The following CSF3R variants were observed in gnomAD, a reference collection of about 807,000 sequenced individuals.
CSF3R encodes granulocyte colony-stimulating factor receptor.
Under a neutral mutation model 84.4 loss-of-function variants are expected in CSF3R, and 52 were observed. That is an observed-to-expected ratio of 0.62 (90% CI 0.49 to 0.78). The LOEUF (loss-of-function observed/expected upper bound fraction) is 0.78, where lower values mean the gene tolerates loss of function less well. CSF3R is among the 30% of genes least tolerant of loss of function. The pLI is 0.00. For synonymous variants in CSF3R, 384 were observed against 429.1 expected (o/e 0.89, Z 1.30); for missense variants, 890 against 1,055.7 (o/e 0.84, Z 2.17).
chr1:36,468,565 G>A (rs971089098), intron 12 of CSF3R: 12 of 230,934 alleles, frequency 5.2e-5, no homozygotes, highest in Non-Finnish European at 8.6e-5. Context: ...ACAGGGTCTC[G>A]CTCTGTCACC....
At chr1:36,468,345 C>A in intron 12 of CSF3R, 124 bp from the exon 13 acceptor site, 1 of 994,608 alleles carries the variant, frequency 1.0e-6, no homozygotes, top group Admixed American at 3.0e-5. Flanking sequence ...GACTCATGCC[C>A]AAGCCTCATT....
Position 36,466,093 on chromosome 1 carries a change from A to T in CSF3R, c.*264T>A. 3 of 1,614,202 alleles carry T rather than the reference A, an allele frequency of 1.9e-6. No individual in the cohort carries two copies. Among genetic ancestry groups the T allele is most frequent in the Non-Finnish European group, 2.5e-6 (3 of 1,180,030 alleles). On this transcript the variant is annotated 3_prime_UTR_variant, in exon 17 of 17. Transcript: ENST00000373106. This position sits in a 1 kb window ranked among gnomAD's most constrained non-coding sequence, Gnocchi z 4.6. ...CAACAAAAACTGCAAACCAAAAACT[A>T]GTTTACAATACTGAAGTTATAGGAA...
chr1:36,473,341 G>A (rs976330582), intron 6 of CSF3R, 94 bp downstream of exon 6: 7 of 1,419,216 alleles, frequency 4.9e-6, no homozygotes, highest in African/African-American at 2.8e-5. Context: ...GTCTTCCAGT[G>A]TCTTCTTGTC....
Position 36,467,973 on chromosome 1 carries a change from T to A in CSF3R, c.1724-11A>T. 2 of 1,613,456 alleles carry A rather than the reference T, an allele frequency of 1.2e-6. No homozygotes were observed. Among genetic ancestry groups the A allele is most frequent in the Non-Finnish European group, 1.7e-6 (2 of 1,179,880 alleles). Reference sequence around the variant, plus strand: ...CATTCAGGATGGCGGCTGGGAGGGGTGTACGGTCAGCATAGGCCTGGATGG... The same window carrying A: ...CATTCAGGATGGCGGCTGGGAGGGGAGTACGGTCAGCATAGGCCTGGATGG... On this transcript the variant is annotated splice_polypyrimidine_tract_variant and intron_variant, in intron 13 of 16. Coordinates refer to ENST00000373106, the MANE Select transcript of CSF3R (RefSeq NM_000760.4). The surrounding 1 kb of genome is among the most constrained non-coding windows in gnomAD (Gnocchi z 4.1).
chr1:36,481,327 C>T (rs1168880076), intron 2 of CSF3R, among the ~76,000 whole-genome samples, 151 bp downstream of exon 2: 1 of 152,170 alleles, frequency 6.6e-6, no homozygotes, highest in African/African-American at 2.4e-5. Context: ...TCTGGTCCTC[C>T]ACTGCAGCCC....
Position 36,467,020 on chromosome 1 carries a change from G to A in CSF3R, c.2041-193C>T. The A allele has an allele frequency of 7.0e-7, 1 of 1,422,004 alleles. No homozygotes were observed. The highest frequency in any genetic ancestry group is 9.7e-7 in the Non-Finnish European group (1 of 1,030,986). 88.1% of individuals were successfully genotyped at this position (1,422,004 alleles called of 1,614,324 possible). A position where few individuals can be genotyped will look rare whatever the true frequency, so the allele number is the denominator to read the frequency against. ...ACATGCCATGCACCGTTCAGACTCA[G>A]CATGGTCAGTTTTTCCATATCACAG... is the stretch of plus-strand genomic sequence containing the variant. On this transcript the variant is annotated intron_variant, in intron 16 of 16. Coordinates refer to ENST00000373106, the MANE Select transcript of CSF3R (RefSeq NM_000760.4). The surrounding 1 kb of genome is among the most constrained non-coding windows in gnomAD (Gnocchi z 4.1).
chr1:36,468,255 A>G, intron 12 of CSF3R, 34 bp from the exon 13 acceptor site: 1 of 1,540,422 alleles, frequency 6.5e-7, no homozygotes, highest in Non-Finnish European at 8.7e-7. Context: ...GGCTGAAGGG[A>G]GTGGGGCAGA....
In CSF3R at chr1:36,471,486, T is replaced by C. The variant is rs1418941900; in HGVS notation, c.1232A>G (p.Tyr411Cys). ...SEAQEVALVA[Y>C]NSAGTSRPTP... is the part of the protein sequence containing the mutation. ...GGGACGAGAGGTCCCGGCTGAGTTA[T>C]AGGCCACAAGGGCCACCTCCTGGGC... The change falls in exon 10 of 17, where the codon TAT becomes TGT. Residue 411 changes from tyrosine (Y) to cysteine (C), a missense_variant. Transcript: ENST00000373106. 2 of 1,614,114 alleles carry C rather than the reference T, an allele frequency of 1.2e-6. No individual in the cohort carries two copies. The highest frequency in any genetic ancestry group is 1.7e-5 in the Admixed American group (1 of 60,012).
chr1:36,473,256 G>A lies in CSF3R; in HGVS notation c.673+179C>T, dbSNP rs3917967. On this transcript the variant is annotated intron_variant, in intron 6 of 16. Coordinates refer to ENST00000373106, the MANE Select transcript of CSF3R (RefSeq NM_000760.4). ...CCTCTGTGTCTCTTCCTGTCTCTGG[G>A]TCTGTGTCCCCATTTCTCTGTCTCC... is the stretch of plus-strand genomic sequence containing the variant. 2,417 of 667,252 alleles carry A rather than the reference G, an allele frequency of 3.6e-3. 58 individuals are homozygous for A. The African/African-American group carries it at 0.038, about 11-fold the overall frequency. 41.3% of individuals were successfully genotyped at this position (667,252 alleles called of 1,614,324 possible). A position where few individuals can be genotyped will look rare whatever the true frequency, so the allele number is the denominator to read the frequency against.
chr1:36,466,650 G>A lies in CSF3R; in HGVS notation c.2218C>T (p.Pro740Ser). The change falls in exon 17 of 17, where the codon CCC becomes TCC. Residue 740 changes from proline (P) to serine (S), a missense_variant. Transcript: ENST00000373106. This position sits in a 1 kb window ranked among gnomAD's most constrained non-coding sequence, Gnocchi z 4.6. ...TCGCTGGTGCCAGACTGGGATTGGG[G>A]CTGGGTGGAAACTGCTCTTGGGTCC... ...QGDPRAVSTQPQSQSGTSDQV... is the reference protein window; with the variant it reads ...QGDPRAVSTQSQSQSGTSDQV... The A allele has an allele frequency of 1.2e-6, 2 of 1,614,192 alleles. No individual in the cohort carries two copies. The highest frequency in any genetic ancestry group is 2.2e-5 in the East Asian group (1 of 44,886).
In CSF3R at chr1:36,479,498, G is replaced by T. The variant is rs753048055; in HGVS notation, c.-2C>A. The T allele has an allele frequency of 3.7e-6, 6 of 1,614,114 alleles. No individual in the cohort carries two copies. The South Asian group carries it at 6.6e-5, about 18-fold the overall frequency. ...GCTGCAGTTTCCCAGCCTTGCCATA[G>T]CACCAACTTGATGTTCACCTGTAGG... On this transcript the variant is annotated 5_prime_UTR_variant, in exon 3 of 17. Coordinates refer to ENST00000373106, the MANE Select transcript of CSF3R (RefSeq NM_000760.4).
In CSF3R at chr1:36,467,799, G is replaced by T; in HGVS notation, c.1864+23C>A. 6.2e-7 allele frequency: 1 copy of T among 1,614,214 alleles called. No homozygotes were observed. The highest frequency in any genetic ancestry group is 8.5e-7 in the Non-Finnish European group (1 of 1,180,032). ...GGGTACCCTCCAAACAGCCATCTCT[G>T]CCCAGCCCCCGTCTCCCCTTACCTG... On this transcript the variant is annotated intron_variant, in intron 14 of 16. Transcript: ENST00000373106. The surrounding 1 kb of genome is among the most constrained non-coding windows in gnomAD (Gnocchi z 4.1).
In CSF3R at chr1:36,472,650, G is replaced by A. The variant is rs1483103181; in HGVS notation, c.710C>T (p.Pro237Leu). The A allele has an allele frequency of 3.7e-6, 6 of 1,609,418 alleles. No homozygotes were observed. The highest frequency in any genetic ancestry group is 2.7e-5 in the African/African-American group (2 of 74,842). The part of the protein sequence containing the change: ...LEPPMLRTMD[P>L]SPEAAPPQAG... ...CTGGGGAGGGGCCGCTTCAGGGCTG[G>A]GGTCCATGGTCCGCAGCATGGGGGG... is the stretch of plus-strand genomic sequence containing the variant. The change falls in exon 7 of 17, where the codon CCC (proline) becomes CTC (leucine). Residue 237 changes from proline (P) to leucine (L), a missense_variant. Physicochemically the swap from Pro to Leu is moderately conservative, Grantham distance 98. Transcript: ENST00000373106. This position sits in a 1 kb window ranked among gnomAD's most constrained non-coding sequence, Gnocchi z 5.0.
intron 2 of CSF3R, among the ~76,000 whole-genome samples, chr1:36,480,933 A>G (rs958129231): frequency 6.6e-6 from 1 of 152,210 alleles, no homozygotes; most frequent in Non-Finnish European, 1.5e-5. Context: ...CAACTAGGGA[A>G]CAGCCTGGAT....
chr1:36,471,957 A>G, intron 9 of CSF3R, 109 bp downstream of exon 9: 2 of 1,081,950 alleles, frequency 1.8e-6, no homozygotes, highest in African/African-American at 1.5e-5. Context: ...TCACATATAA[A>G]TGCGTCCACG....
At chr1:36,478,696 AC>A (rs201847686) in intron 3 of CSF3R, among the ~76,000 whole-genome samples, 5,495 of 138,848 alleles carry the variant, frequency 0.04, 165 homozygotes, top group East Asian at 0.079. Flanking sequence ...AAAAAATACA[AC>A]AACAAAAAAA....
chr1:36,472,039 G>A lies in CSF3R; in HGVS notation c.1071+27C>T, dbSNP rs200098618. 13 of 1,609,960 alleles carry A rather than the reference G, an allele frequency of 8.1e-6. No individual in the cohort carries two copies. In the African/African-American group the frequency reaches 1.5e-4, roughly 18 times the overall value. On this transcript the variant is annotated intron_variant, in intron 9 of 16. Coordinates refer to ENST00000373106, the MANE Select transcript of CSF3R (RefSeq NM_000760.4). This position sits in a 1 kb window ranked among gnomAD's most constrained non-coding sequence, Gnocchi z 5.0. Reference sequence around the variant, plus strand: ...TTTGGACTGCGGGAGGTGTCGAGGTGGAGGGATGGCCTTCAGAGGGAGTCA... The same window carrying A: ...TTTGGACTGCGGGAGGTGTCGAGGTAGAGGGATGGCCTTCAGAGGGAGTCA...
intron 10 of CSF3R, among the ~76,000 whole-genome samples, chr1:36,470,345 C>T (rs774222215): frequency 2.1e-3 from 315 of 152,104 alleles, no homozygotes; most frequent in Non-Finnish European, 3.3e-3. Context: ...CCACCATGCC[C>T]GGCTAATTTT....
Position 36,479,534 on chromosome 1 carries a change from G to A in CSF3R, c.-20-18C>T, listed in dbSNP as rs1242957150. 1.9e-6 allele frequency: 3 copies of A among 1,584,488 alleles called. No homozygotes were observed. Among genetic ancestry groups the A allele is most frequent in the African/African-American group, 2.7e-5 (2 of 74,364 alleles). ...ATGTTCACCTGTAGGCAGAAGGGTT[G>A]TTTAAGACCATGGGCTTTGGAGTCA... On this transcript the variant is annotated intron_variant, in intron 2 of 16. Coordinates refer to ENST00000373106, the MANE Select transcript of CSF3R (RefSeq NM_000760.4).
Sources: allele counts gnomAD v4.1 joint callset (sites outside exome capture counted in the v4.1 genomes callset), GRCh38; gene constraint gnomAD v4.1.1; non-coding constraint Gnocchi (gnomAD v3.1); transcripts MANE v1.5; gene names NCBI Gene and HGNC (gene_info 2026-07-23, HGNC 2026-07-21).